Variants in AGMO observed in about 807,000 individuals in gnomAD.
AGMO encodes glyceryl-ether monooxygenase.
AGMO carries 75 observed loss-of-function variants against 60.2 expected under a neutral mutation model. The observed-to-expected ratio is 1.25, with a 90% CI of 1.03 to 1.51. AGMO has a LOEUF of 1.51. AGMO is among the 40% of genes most tolerant of loss of function. AGMO has a pLI of 0.00. For synonymous variants in AGMO, 261 were observed against 177.1 expected, an observed-to-expected ratio of 1.47 and a Z score of -3.76; for missense variants, 763 against 525.5, an observed-to-expected ratio of 1.45 and a Z score of -4.42.
chr7:15,408,801 T>C (rs4721434), intron 5 of AGMO, among the ~76,000 whole-genome samples: 14,691 of 151,850 alleles, frequency 0.097, 836 homozygotes, highest in South Asian at 0.15. Context: ...CCATGGGTTG[T>C]GTGATAATTA....
intron 12 of AGMO, among the ~76,000 whole-genome samples, chr7:15,361,727 G>C (rs572930692): frequency 1.3e-5 from 2 of 151,792 alleles, no homozygotes; most frequent in East Asian, 1.9e-4. Flanking sequence ...TCTCCGCATC[G>C]AACAGTTTAT....
At chr7:15,400,409 T>A (rs1784521429) in intron 5 of AGMO, among the ~76,000 whole-genome samples, 1 of 152,170 alleles carries the variant, frequency 6.6e-6, no homozygotes, top group South Asian at 2.1e-4. Context: ...AGCCCCACAG[T>A]AAGAATTATC....
intron 4 of AGMO, among the ~76,000 whole-genome samples, chr7:15,421,672 A>C (rs1038792781): frequency 6.6e-6 from 1 of 152,074 alleles, no homozygotes; most frequent in African/African-American, 2.4e-5. Context: ...CAGGAGGAAG[A>C]ATAGGTTGTA....
At position 15,529,391 on chromosome 7, in the gene AGMO, T is replaced by G. The variant is rs539917933; in HGVS notation, c.409+15381A>C. ...ATAATCTTCAATAAGTAGACACTATTATTTAATTTGGGCTACACACTAAAG... is the reference window on the plus strand; with the variant it reads ...ATAATCTTCAATAAGTAGACACTATGATTTAATTTGGGCTACACACTAAAG... On this transcript the variant is annotated intron_variant, in intron 3 of 12. Coordinates refer to ENST00000342526, the MANE Select transcript of AGMO (RefSeq NM_001004320.2). Among the ~76,000 whole-genome samples the G allele has an allele frequency of 1.1e-4, 17 of 149,842 alleles. 1 individual carries two copies. In the South Asian group the frequency reaches 3.5e-3, roughly 31 times the overall value.
intron 12 of AGMO, among the ~76,000 whole-genome samples, chr7:15,346,182 C>G (rs886745887): frequency 3.3e-5 from 5 of 152,114 alleles, no homozygotes; most frequent in African/African-American, 9.6e-5. Context: ...GCATCTCAAA[C>G]TGCATATACA....
chr7:15,554,501 C>A (rs566801707), intron 2 of AGMO, among the ~76,000 whole-genome samples: 1 of 152,094 alleles, frequency 6.6e-6, no homozygotes, highest in Non-Finnish European at 1.5e-5. Flanking sequence ...TCCTATTGTC[C>A]TATTTTCTTC....
At chr7:15,318,903 G>A (rs767809190) in intron 12 of AGMO, among the ~76,000 whole-genome samples, 18 of 152,184 alleles carry the variant, frequency 1.2e-4, no homozygotes, top group Non-Finnish European at 2.4e-4. Flanking sequence ...TACAACACTT[G>A]ATTGGCTTTT....
At chr7:15,531,985 T>C (rs1459027749) in intron 3 of AGMO, among the ~76,000 whole-genome samples, 2 of 152,088 alleles carry the variant, frequency 1.3e-5, no homozygotes, top group African/African-American at 4.8e-5. Flanking sequence ...CTTTTAAAGC[T>C]TTCAGTATGC....
chr7:15,215,687 T>C (rs1258311338), intron 12 of AGMO, among the ~76,000 whole-genome samples: 4 of 152,056 alleles, frequency 2.6e-5, no homozygotes, highest in Admixed American at 2.0e-4. Context: ...CTATGGAGAA[T>C]ATCAAAGCTA....
the AGMO span, among the ~76,000 whole-genome samples, chr7:15,187,105 CA>C: frequency 6.6e-6 from 1 of 152,238 alleles, no homozygotes; most frequent in South Asian, 2.1e-4. Flanking sequence ...TGAACCTTGT[CA>C]TTCAGTCTTT....
chr7:15,440,654 C>T (rs546160307), intron 3 of AGMO, among the ~76,000 whole-genome samples: 246 of 152,248 alleles, frequency 1.6e-3, no homozygotes, highest in African/African-American at 5.7e-3. Context: ...GTGTTAGTTA[C>T]GTGTGAGAGC....
intron 2 of AGMO, among the ~76,000 whole-genome samples, chr7:15,546,106 T>C (rs1383199960): frequency 6.6e-6 from 1 of 152,170 alleles, no homozygotes; most frequent in African/African-American, 2.4e-5. Context: ...TCCAGCCCTT[T>C]AATTTTATTC....
chr7:15,297,083 A>G (rs759534445), intron 12 of AGMO, among the ~76,000 whole-genome samples: 4 of 152,018 alleles, frequency 2.6e-5, no homozygotes, highest in Non-Finnish European at 5.9e-5. Context: ...CACAGACACA[A>G]TCAGTACAGA....
intron 12 of AGMO, among the ~76,000 whole-genome samples, chr7:15,240,640 C>A (rs944319176): frequency 2.0e-5 from 3 of 152,116 alleles, no homozygotes; most frequent in African/African-American, 7.2e-5. Flanking sequence ...ATTTTGATAA[C>A]TTTTACAATC....
At chr7:15,510,184 G>A (rs957128741) in intron 3 of AGMO, among the ~76,000 whole-genome samples, 1 of 152,014 alleles carries the variant, frequency 6.6e-6, no homozygotes, top group Non-Finnish European at 1.5e-5. Context: ...TTTTGTTTTT[G>A]AGATAGGGTC....
intron 12 of AGMO, among the ~76,000 whole-genome samples, chr7:15,225,546 C>T (rs1261762949): frequency 6.6e-6 from 1 of 151,928 alleles, no homozygotes; most frequent in African/African-American, 2.4e-5. Context: ...GTGTACATCT[C>T]ATTACACCTA....
intron 12 of AGMO, among the ~76,000 whole-genome samples, chr7:15,292,123 A>G (rs1259806225): frequency 6.6e-6 from 1 of 152,192 alleles, no homozygotes; most frequent in Middle Eastern, 3.2e-3. Context: ...AGAAAATAAT[A>G]CAAATTAGAA....
At chr7:15,272,181 G>T (rs1031538650) in intron 12 of AGMO, among the ~76,000 whole-genome samples, 3 of 151,290 alleles carry the variant, frequency 2.0e-5, no homozygotes, top group African/African-American at 4.9e-5. Context: ...TGTGCACAAC[G>T]TGGTTTGTTA....
chr7:15,232,992 T>C (rs1467250641), intron 12 of AGMO, among the ~76,000 whole-genome samples: 1 of 152,116 alleles, frequency 6.6e-6, no homozygotes, highest in East Asian at 1.9e-4. Context: ...ACAGAGGCTA[T>C]AAAATATAAA....
Sources: gnomAD v4.1 joint callset for allele counts (sites outside exome capture counted in the v4.1 genomes callset) on GRCh38, gnomAD v4.1.1 for gene constraint, MANE v1.5 for transcripts, NCBI Gene and HGNC (gene_info 2026-07-23, HGNC 2026-07-21) for gene names.